Variants in TRIM25 observed in about 807,000 individuals in gnomAD.
TRIM25 encodes tripartite motif containing 25.
A neutral mutation model predicts 65.2 loss-of-function variants in TRIM25; 45 were observed. The observed-to-expected ratio is 0.69, with a 90% CI of 0.54 to 0.89. TRIM25 has a LOEUF of 0.89. TRIM25 is among the 40% of genes least tolerant of loss of function. TRIM25 has a pLI of 0.00. For missense variants in TRIM25, 714 were observed against 803.7 expected, an observed-to-expected ratio of 0.89 and a Z score of 1.35; for synonymous variants, 321 against 340.4, an observed-to-expected ratio of 0.94 and a Z score of 0.63.
At chr17:56,910,888 C>A (rs1476702090) in intron 1 of TRIM25, among the ~76,000 whole-genome samples, 2 of 152,132 alleles carry the variant, frequency 1.3e-5, no homozygotes, top group Non-Finnish European at 2.9e-5. Flanking sequence ...TAGCAGGGCT[C>A]AAAAAGCAGA....
intron 1 of TRIM25, among the ~76,000 whole-genome samples, chr17:56,910,467 G>A (rs186072848): frequency 7.2e-5 from 11 of 152,264 alleles, no homozygotes; most frequent in Admixed American, 6.5e-4. Context: ...ACATACATCC[G>A]GCCTTGCTGG....
rs933287651 is a variant in TRIM25, at chr17:56,892,027, G to C, written c.1566C>G (p.Asn522Lys). The change falls in exon 9 of 9, where the codon AAC (asparagine) becomes AAG (lysine). Residue 522 changes from asparagine to lysine, a missense_variant. This residue lies in a region of TRIM25 where 413 missense variants were observed against 498.2 expected (regional missense o/e 0.83). Coordinates refer to ENST00000316881, the MANE Select transcript of TRIM25 (RefSeq NM_005082.5). ...CGTAGCAGATGCCTACCCCACAGAA[G>C]TTGTTCTTCTGCAGCTCCACCTCCC... ...HYWEVELQKN[N>K]FCGVGICYGS... 8 of 1,614,048 alleles carry C rather than the reference G, an allele frequency of 5.0e-6. No individual in the cohort carries two copies. The highest frequency in any genetic ancestry group is 2.7e-5 in the African/African-American group (2 of 74,928).
rs536654923 is a variant in TRIM25, at chr17:56,905,319, G to A, written c.694-831C>T. 2.1e-4 allele frequency among the ~76,000 whole-genome samples: 32 copies of A among 152,264 alleles called. No individual in the cohort carries two copies. The East Asian group carries it at 5.4e-3, about 26-fold the overall frequency. ...GCAGAGGTTACAGTGAGCCGAGATC[G>A]TGCCACTGCACTCCAGCCTGGGAGA... On this transcript the variant is annotated intron_variant, in intron 2 of 8. Coordinates refer to ENST00000316881, the MANE Select transcript of TRIM25 (RefSeq NM_005082.5).
rs758588699 is a variant in TRIM25 at position 56,892,169 on chromosome 17, C to T, written c.1424G>A (p.Cys475Tyr). 1 of 1,613,190 alleles carries T rather than the reference C, an allele frequency of 6.2e-7. No individual in the cohort carries two copies. Among genetic ancestry groups the T allele is most frequent in the Non-Finnish European group, 8.5e-7 (1 of 1,179,272 alleles). Residue 475 changes from cysteine (C) to tyrosine (Y), a missense_variant, in exon 9 of 9, where the codon TGC becomes TAC. Coordinates refer to ENST00000316881, the MANE Select transcript of TRIM25 (RefSeq NM_005082.5). ...CTCAGCCACAGAAGCTACTGTATAG[C>T]ACTCTGACAGAGCCACTTTGTTGTG... ...TAHNKVALSE[C>Y]YTVASVAEMP...
At chr17:56,894,456 G>A (rs1308479164) in intron 8 of TRIM25, among the ~76,000 whole-genome samples, 1 of 152,140 alleles carries the variant, frequency 6.6e-6, no homozygotes, top group East Asian at 1.9e-4. Context: ...TGCCATGTTG[G>A]CCAGGCTGGT....
rs940677663 is a variant in TRIM25, at chr17:56,902,299, C to T, written c.928-721G>A. ...AGGAATCTGGGTCTTTCAGGTATAG[C>T]TGCAGGTCACTCAATCAATGGGGCA... On this transcript the variant is annotated intron_variant, in intron 3 of 8. Transcript: ENST00000316881. Among the ~76,000 whole-genome samples, 3 of 152,188 alleles carry T rather than the reference C, an allele frequency of 2.0e-5. No homozygotes were observed. In the East Asian group the frequency reaches 5.8e-4, roughly 29 times the overall value.
In TRIM25 at chr17:56,901,990, G is replaced by A. The variant is rs149502713; in HGVS notation, c.928-412C>T. On this transcript the variant is annotated intron_variant, in intron 3 of 8. Coordinates refer to ENST00000316881, the MANE Select transcript of TRIM25 (RefSeq NM_005082.5). ...TAATCACACATTCTGGTAACAGACA[G>A]GGACATCTCAAGGGATGTGGATTGC... is the stretch of plus-strand genomic sequence containing the variant. Among the ~76,000 whole-genome samples the A allele has an allele frequency of 5.4e-3, 828 of 152,318 alleles. 2 individuals carry two copies. The highest frequency in any genetic ancestry group is 7.9e-3 in the Non-Finnish European group (539 of 68,028).
At chr17:56,904,050 T>C (rs1166090806) in intron 3 of TRIM25, among the ~76,000 whole-genome samples, 1 of 151,988 alleles carries the variant, frequency 6.6e-6, no homozygotes, top group Non-Finnish European at 1.5e-5. Context: ...CCAGAGAAAC[T>C]CTGAGAGAAT....
chr17:56,892,820 G>T (rs169529), intron 8 of TRIM25, among the ~76,000 whole-genome samples: 103,184 of 152,058 alleles, frequency 0.68, 35,929 homozygotes, highest in African/African-American at 0.75. Flanking sequence ...ACAAGGTGCC[G>T]GGCCTCATGG....
Position 56,913,319 on chromosome 17 carries a change from G to A in TRIM25, c.597+73C>T, listed in dbSNP as rs1909665364. On this transcript the variant is annotated intron_variant, in intron 1 of 8. Coordinates refer to ENST00000316881, the MANE Select transcript of TRIM25 (RefSeq NM_005082.5). This position sits in a 1 kb window ranked among gnomAD's most constrained non-coding sequence, Gnocchi z 6.1. ...CCCAGGGCGTCCAGAGTGTGGCAGA[G>A]AGGCCCCCGGTGGCCCCTCTGCACC... 3 of 1,403,464 alleles carry A rather than the reference G, an allele frequency of 2.1e-6. No individual in the cohort carries two copies. The highest frequency in any genetic ancestry group is 2.9e-5 in the South Asian group (2 of 69,276). 86.9% of individuals were successfully genotyped at this position (1,403,464 alleles called of 1,614,324 possible). A position where few individuals can be genotyped will look rare whatever the true frequency, so the allele number is the denominator to read the frequency against.
intron 3 of TRIM25, among the ~76,000 whole-genome samples, chr17:56,901,841 G>T (rs1004550089): frequency 6.6e-6 from 1 of 152,056 alleles, no homozygotes; most frequent in African/African-American, 2.4e-5. Context: ...CACCAGCTAG[G>T]GGCACAGACA....
intron 2 of TRIM25, among the ~76,000 whole-genome samples, chr17:56,905,120 G>A (rs1381545683): frequency 1.3e-5 from 2 of 152,226 alleles, no homozygotes. Context: ...AGCTAAAGGT[G>A]GTTCATGGGC....
chr17:56,913,765 T>G lies in TRIM25; in HGVS notation c.224A>C (p.Gln75Pro). The G allele has an allele frequency of 6.5e-7, 1 of 1,548,404 alleles. No homozygotes were observed. Among genetic ancestry groups the G allele is most frequent in the African/African-American group, 1.4e-5 (1 of 73,470 alleles). The change falls in exon 1 of 9, where the codon CAG becomes CCG. Residue 75 changes from glutamine to proline, a missense_variant. Around this residue, in one of 3 missense-constraint regions of TRIM25, gnomAD observed 291 missense variants for 281.8 expected, o/e 1.03. Transcript: ENST00000316881. This position sits in a 1 kb window ranked among gnomAD's most constrained non-coding sequence, Gnocchi z 6.1. ...KNTVLCNVVE[Q>P]FLQADLAREP... ...CCGGGCCAGGTCGGCCTGCAGGAAC[T>G]GCTCCACCACGTTGCACAGCACCGT... is the stretch of plus-strand genomic sequence containing the variant.
At position 56,899,189 on chromosome 17, in the gene TRIM25, G is replaced by C; in HGVS notation, c.1088-9C>G. 6.2e-7 allele frequency: 1 copy of C among 1,614,168 alleles called. No homozygotes were observed. Among genetic ancestry groups the C allele is most frequent in the East Asian group, 2.2e-5 (1 of 44,878 alleles). ...ATGCTCTCCAGGGTCACCTGTGTCAGAGAAGAAGGGCTCAGTGTGTGCGGC... is the reference window on the plus strand; with the variant it reads ...ATGCTCTCCAGGGTCACCTGTGTCACAGAAGAAGGGCTCAGTGTGTGCGGC... On this transcript the variant is annotated splice_polypyrimidine_tract_variant and intron_variant, in intron 4 of 8. Transcript: ENST00000316881.
chr17:56,901,431 T>C lies in TRIM25; in HGVS notation c.1075A>G (p.Thr359Ala), dbSNP rs781022186. 1.2e-6 allele frequency: 2 copies of C among 1,613,680 alleles called. No individual in the cohort carries two copies. The highest frequency in any genetic ancestry group is 3.3e-5 in the Admixed American group (2 of 59,990). The change falls in exon 4 of 9, where the codon ACC (threonine) becomes GCC (alanine). Residue 359 changes from threonine to alanine, a missense_variant. Around this residue, in one of 3 missense-constraint regions of TRIM25, gnomAD observed 413 missense variants for 498.2 expected, o/e 0.83. Transcript: ENST00000316881. ...KQCIGRLQEPTPSSGDPGEHD... is the reference protein window; with the variant it reads ...KQCIGRLQEPAPSSGDPGEHD... ...CTGCTAAGGTCACCTGAACTGGGGG[T>C]GGGCTCCTGGAGCCGCCCGATGCAC...
chr17:56,899,618 C>T (rs1909369887), intron 4 of TRIM25, among the ~76,000 whole-genome samples: 1 of 152,204 alleles, frequency 6.6e-6, no homozygotes, highest in Non-Finnish European at 1.5e-5. Context: ...ATAGCTTTGC[C>T]CCCACGCAGC....
chr17:56,904,210 CAAA>C (rs79061333), intron 3 of TRIM25, 42 bp downstream of exon 3: 2,871 of 1,269,440 alleles, frequency 2.3e-3, no homozygotes, highest in Non-Finnish European at 2.5e-3. Context: ...TGACATCAGG[CAAA>C]AAAAAAAAAA....
Position 56,888,224 on chromosome 17 carries a change from A to G in TRIM25, c.*3476T>C, listed in dbSNP as rs1255348174. On this transcript the variant is annotated 3_prime_UTR_variant, in exon 9 of 9. Coordinates refer to ENST00000316881, the MANE Select transcript of TRIM25 (RefSeq NM_005082.5). ...GCCTCAAACCTCTAATCACATGGTC[A>G]GTCTGTCTGGTGACCAGCCCCAGCT... 6.6e-6 allele frequency: 1 copy of G among 152,316 alleles called. No individual in the cohort carries two copies. Among genetic ancestry groups the G allele is most frequent in the African/African-American group, 2.4e-5 (1 of 41,466 alleles). 9.4% of individuals were successfully genotyped at this position (152,316 alleles called of 1,614,324 possible). A position where few individuals can be genotyped will look rare whatever the true frequency, so the allele number is the denominator to read the frequency against.
intron 8 of TRIM25, 102 bp from the exon 9 acceptor site, chr17:56,892,331 A>C: frequency 7.5e-7 from 1 of 1,333,492 alleles, no homozygotes; most frequent in Non-Finnish European, 1.0e-6. Flanking sequence ...TTATCCATCC[A>C]TGCACCCATC....
Sources: allele counts gnomAD v4.1 joint callset (sites outside exome capture counted in the v4.1 genomes callset), GRCh38; gene constraint gnomAD v4.1.1; regional missense constraint gnomAD v4.1.1; non-coding constraint Gnocchi (gnomAD v3.1); transcripts MANE v1.5; gene names NCBI Gene and HGNC (gene_info 2026-07-23, HGNC 2026-07-21).